Variants in TRNAU1AP observed in about 807,000 individuals in gnomAD.
The protein encoded by TRNAU1AP is tRNA selenocysteine 1 associated protein 1.
In TRNAU1AP, 33 loss-of-function variants were observed where a neutral mutation model predicts 43.3. The ratio of observed to expected loss-of-function variants is 0.76; its 90% CI spans 0.58 to 1.02. The LOEUF (loss-of-function observed/expected upper bound fraction) is 1.02. Ranked by LOEUF, TRNAU1AP falls within the 50% of genes least tolerant of loss-of-function variation. TRNAU1AP has a pLI of 0.00. For missense variants in TRNAU1AP, 290 were observed against 362.7 expected (o/e 0.80, Z 1.63); for synonymous variants, 143 against 129.1 (o/e 1.11, Z -0.73).
chr1:28,577,384 G>C (rs1363043734), intron 8 of TRNAU1AP, 116 bp from the exon 9 acceptor site: 31 of 1,167,712 alleles, frequency 2.7e-5, no homozygotes, highest in Admixed American at 1.2e-4. Flanking sequence ...CTTCCTGAAA[G>C]AAACTGGCAG....
At chr1:28,571,974 T>A in intron 8 of TRNAU1AP, 74 bp downstream of exon 8, 2 of 1,289,106 alleles carry the variant, frequency 1.6e-6, no homozygotes, top group Non-Finnish European at 2.3e-6. Context: ...TGCTCTCAGC[T>A]AGAGGGAAGA....
chr1:28,560,667 G>A lies in TRNAU1AP; in HGVS notation c.160G>A (p.Asp54Asn). Residue 54 changes from aspartate to asparagine, a missense_variant, in exon 3 of 9, where the codon GAT becomes AAT. Coordinates refer to ENST00000373830, the MANE Select transcript of TRNAU1AP (RefSeq NM_017846.5). ...TGGCTACTGCTTTGTAGAATTTGCA[G>A]ATTTGGCCACAGCTGAGAAGTGTTT... ...PAGYCFVEFA[D>N]LATAEKCLHK... The A allele has an allele frequency of 6.2e-7, 1 of 1,614,076 alleles. No homozygotes were observed. Among genetic ancestry groups the A allele is most frequent in the South Asian group, 1.1e-5 (1 of 91,078 alleles).
chr1:28,576,507 C>T (rs1215166865), intron 8 of TRNAU1AP, among the ~76,000 whole-genome samples: 4 of 150,762 alleles, frequency 2.7e-5, no homozygotes, highest in Non-Finnish European at 5.9e-5. Context: ...TTAGTGGAGA[C>T]GGGGTTTCAC....
At chr1:28,560,521 C>T (rs560075854) in intron 2 of TRNAU1AP, 112 bp from the exon 3 acceptor site, 1 of 767,970 alleles carries the variant, frequency 1.3e-6, no homozygotes, top group African/African-American at 1.7e-5. Flanking sequence ...AGTGATCCAC[C>T]TGCCTTGGCC....
chr1:28,560,736 A>G lies in TRNAU1AP; in HGVS notation c.225+4A>G, dbSNP rs775040485. On this transcript the variant is annotated splice_donor_region_variant and intron_variant, in intron 3 of 8. Transcript: ENST00000373830. The stretch of plus-strand genomic sequence containing the variant: ...ACCCCTTCCAGGAGCCACACCTGTA[A>G]GGACATTTAGATAATGATGATGTTG... The G allele has an allele frequency of 6.2e-7, 1 of 1,606,618 alleles. No individual in the cohort carries two copies. The highest frequency in any genetic ancestry group is 8.5e-7 in the Non-Finnish European group (1 of 1,173,382).
intron 4 of TRNAU1AP, among the ~76,000 whole-genome samples, 167 bp downstream of exon 4, chr1:28,561,565 C>G (rs1570249294): frequency 6.6e-6 from 1 of 152,328 alleles, no homozygotes; most frequent in East Asian, 1.9e-4. Context: ...ATGCAAGACC[C>G]TGGCTTTTCT....
At chr1:28,554,001 C>A (rs887028105) in intron 2 of TRNAU1AP, 1 of 293,314 alleles carries the variant, frequency 3.4e-6, no homozygotes, top group Non-Finnish European at 6.7e-6. Flanking sequence ...AGTTTGAGAC[C>A]AGCCTGGCCA....
At chr1:28,561,866 A>G (rs1206083980) in intron 4 of TRNAU1AP, among the ~76,000 whole-genome samples, 1 of 152,100 alleles carries the variant, frequency 6.6e-6, no homozygotes, top group African/African-American at 2.4e-5. Context: ...AGGTCAGGAG[A>G]TCGAGACCAT....
intron 7 of TRNAU1AP, 84 bp downstream of exon 7, chr1:28,571,422 G>T: frequency 7.0e-7 from 1 of 1,422,630 alleles, no homozygotes; most frequent in Middle Eastern, 1.8e-4. Context: ...GGATTGGTAA[G>T]GACAGGGGCT....
intron 8 of TRNAU1AP, among the ~76,000 whole-genome samples, chr1:28,573,395 C>G (rs1665705736): frequency 6.6e-6 from 1 of 151,478 alleles, no homozygotes; most frequent in South Asian, 2.1e-4. Context: ...AATCCCAGCC[C>G]TTTGGGAGGC....
Position 28,553,120 on chromosome 1 carries a change from A to C in TRNAU1AP, c.10A>C (p.Ser4Arg). Residue 4 changes from serine (S) to arginine (R), a missense_variant, in exon 1 of 9, where the codon AGC becomes CGC. This residue lies in a region of TRNAU1AP where 59 missense variants were observed against 45.5 expected (regional missense o/e 1.30). Coordinates refer to ENST00000373830, the MANE Select transcript of TRNAU1AP (RefSeq NM_017846.5). MAA[S>R]LWMGDLEPYM... Reference sequence around the variant, plus strand: ...ACCCCGGTGCGCGGGTATGGCGGCCAGCCTGTGGATGGGCGACGTGAGTGA... The same window carrying C: ...ACCCCGGTGCGCGGGTATGGCGGCCCGCCTGTGGATGGGCGACGTGAGTGA... 1 of 1,520,986 alleles carries C rather than the reference A, an allele frequency of 6.6e-7. No homozygotes were observed. The allele number at this position is 1,520,986 out of a possible 1,614,324, so 94.2% of individuals were successfully genotyped here.
In TRNAU1AP at chr1:28,575,758, A is replaced by G. The variant is rs190080608; in HGVS notation, c.728-1742A>G. 5.6e-3 allele frequency among the ~76,000 whole-genome samples: 804 copies of G among 144,364 alleles called. 13 individuals carry two copies. Among genetic ancestry groups the G allele is most frequent in the African/African-American group, 0.02 (776 of 38,678 alleles). 94.7% of individuals were successfully genotyped at this position (144,364 alleles called of 152,430 possible). A position where few individuals can be genotyped will look rare whatever the true frequency, so the allele number is the denominator to read the frequency against. Reference sequence around the variant, plus strand: ...CTAACCCCATAAAGATGGGGTTTCTATGTTGGTCAGGCTGGTCTCAAACTT... The same window carrying G: ...CTAACCCCATAAAGATGGGGTTTCTGTGTTGGTCAGGCTGGTCTCAAACTT... On this transcript the variant is annotated intron_variant, in intron 8 of 8. Coordinates refer to ENST00000373830, the MANE Select transcript of TRNAU1AP (RefSeq NM_017846.5).
At chr1:28,559,716 G>T (rs1159201199) in intron 2 of TRNAU1AP, among the ~76,000 whole-genome samples, 2 of 152,068 alleles carry the variant, frequency 1.3e-5, no homozygotes, top group Non-Finnish European at 2.9e-5. Context: ...GTGGTGTTTT[G>T]CATAGTCTAT....
At chr1:28,569,931 G>A (rs1304105385) in intron 6 of TRNAU1AP, among the ~76,000 whole-genome samples, 5 of 151,802 alleles carry the variant, frequency 3.3e-5, no homozygotes, top group Non-Finnish European at 7.4e-5. Context: ...AACCCAGGAG[G>A]CGGAGGTTGC....
intron 2 of TRNAU1AP, 52 bp downstream of exon 2, chr1:28,553,789 A>C: frequency 6.7e-7 from 1 of 1,500,990 alleles, no homozygotes; most frequent in Non-Finnish European, 9.3e-7. Flanking sequence ...GCTGTCATGT[A>C]CGAGAATGTA....
At chr1:28,572,509 C>T (rs1473884844) in intron 8 of TRNAU1AP, among the ~76,000 whole-genome samples, 1 of 150,958 alleles carries the variant, frequency 6.6e-6, no homozygotes, top group Non-Finnish European at 1.5e-5. Flanking sequence ...AATACTGTTA[C>T]CTTTTATTTG....
chr1:28,577,120 A>G (rs1026610161), intron 8 of TRNAU1AP, among the ~76,000 whole-genome samples: 1 of 152,200 alleles, frequency 6.6e-6, no homozygotes, highest in Admixed American at 6.5e-5. Flanking sequence ...TTCAGCTCCT[A>G]TATTTGACTG....
In TRNAU1AP at chr1:28,553,906, G is replaced by C. The variant is rs770484627; in HGVS notation, c.125+169G>C. On this transcript the variant is annotated intron_variant, in intron 2 of 8. Transcript: ENST00000373830. ...AGTGGAAGGATGGCATGTAGCTTAA[G>C]GGTAGGACTTGCCAGGCGTTGTGAC... 7.8e-6 allele frequency: 5 copies of C among 640,356 alleles called. No individual in the cohort carries two copies. The Admixed American group carries it at 8.1e-5, about 10-fold the overall frequency. The allele number at this position is 640,356 out of a possible 1,614,324, so 39.7% of individuals were successfully genotyped here.
intron 2 of TRNAU1AP, among the ~76,000 whole-genome samples, chr1:28,558,710 G>A (rs1665335398): frequency 1.3e-5 from 2 of 151,894 alleles, no homozygotes; most frequent in South Asian, 4.2e-4. Context: ...GACTATAGGT[G>A]CCCGCCACCA....
Sources: gnomAD v4.1 joint callset for allele counts (sites outside exome capture counted in the v4.1 genomes callset) on GRCh38, gnomAD v4.1.1 for gene constraint, gnomAD v4.1.1 regional missense constraint, MANE v1.5 for transcripts, NCBI Gene and HGNC (gene_info 2026-07-23, HGNC 2026-07-21) for gene names.